Variants in ERC1 observed in about 807,000 individuals in gnomAD.
The protein encoded by ERC1 is ELKS/RAB6-interacting/CAST family member 1.
ERC1 carries 56 observed loss-of-function variants against 132.0 expected under a neutral mutation model. That is an observed-to-expected ratio of 0.42 (90% confidence interval 0.34 to 0.53). ERC1 has a LOEUF of 0.53. Among genes scored for constraint, ERC1 ranks in the 20% least tolerant of loss-of-function variants. The pLI is 0.03. For synonymous variants in ERC1, 478 were observed against 476.1 expected, an observed-to-expected ratio of 1.00 and a Z score of -0.05; for missense variants, 1,202 against 1,349.9, an observed-to-expected ratio of 0.89 and a Z score of 1.72.
intron 16 of ERC1, among the ~76,000 whole-genome samples, chr12:1,385,574 C>T (rs1409407900): frequency 6.6e-6 from 1 of 152,286 alleles, no homozygotes; most frequent in East Asian, 1.9e-4. Flanking sequence ...CGTGAGCCAC[C>T]GCGCCCGGCC....
intron 17 of ERC1, among the ~76,000 whole-genome samples, chr12:1,422,028 G>A (rs2092449560): frequency 6.6e-6 from 1 of 152,124 alleles, no homozygotes; most frequent in African/African-American, 2.4e-5. Flanking sequence ...AACAATGGCT[G>A]GTTATCATTT....
At chr12:1,390,210 T>C (rs899710592) in intron 16 of ERC1, among the ~76,000 whole-genome samples, 2 of 152,210 alleles carry the variant, frequency 1.3e-5, no homozygotes, top group Non-Finnish European at 2.9e-5. Context: ...GATTAGCTTA[T>C]AACAAACATC....
In ERC1 at chr12:1,189,883, A is replaced by G. The variant is rs1391503571; in HGVS notation, c.2182A>G (p.Arg728Gly). Residue 728 changes from arginine (R) to glycine (G), a missense_variant, in exon 12 of 19, where the codon AGA becomes GGA. Coordinates refer to ENST00000360905, the MANE Select transcript of ERC1 (RefSeq NM_178040.4). ...GGCACATGAGGCAGCATTGGAAGCC[A>G]GAGCCAGTCCAGAGATGAGTGACCG... ...KKAHEAALEA[R>G]ASPEMSDRIQ... 3 of 1,610,446 alleles carry G rather than the reference A, an allele frequency of 1.9e-6. No individual in the cohort carries two copies. The highest frequency in any genetic ancestry group is 1.7e-5 in the Admixed American group (1 of 59,264).
chr12:1,174,664 T>TA (rs1174119228), intron 8 of ERC1, among the ~76,000 whole-genome samples: 1 of 152,260 alleles, frequency 6.6e-6, no homozygotes, highest in Non-Finnish European at 1.5e-5. Context: ...ATTATGCATG[T>TA]AAGGGGTGTT....
chr12:1,244,644 C>T (rs1199404392), intron 13 of ERC1: 2 of 421,096 alleles, frequency 4.7e-6, no homozygotes, highest in Non-Finnish European at 4.8e-6. Context: ...GCCTCAGCCA[C>T]CCGAGTAGCT....
rs904844381 is a variant in ERC1 at position 1,493,160 on chromosome 12, T to A, written c.*2930T>A. 2 of 207,226 alleles carry A rather than the reference T, an allele frequency of 9.7e-6. No individual in the cohort carries two copies. Among genetic ancestry groups the A allele is most frequent in the Admixed American group, 5.9e-5 (1 of 16,822 alleles). The allele number at this position is 207,226 out of a possible 1,614,324, so 12.8% of individuals were successfully genotyped here. ...CCTCTAACCCCCGGTACTCATTGAATCATTGATGAGGTATCTCAATTGAGA... is the reference window on the plus strand; with the variant it reads ...CCTCTAACCCCCGGTACTCATTGAAACATTGATGAGGTATCTCAATTGAGA... On this transcript the variant is annotated 3_prime_UTR_variant, in exon 19 of 19. Coordinates refer to ENST00000360905, the MANE Select transcript of ERC1 (RefSeq NM_178040.4).
At chr12:1,454,046 C>A (rs576925426) in intron 18 of ERC1, among the ~76,000 whole-genome samples, 3 of 152,082 alleles carry the variant, frequency 2.0e-5, no homozygotes, top group African/African-American at 7.2e-5. Flanking sequence ...ACTCTCCAGC[C>A]CACACCCCAG....
At chr12:1,433,461 C>T (rs908925452) in intron 17 of ERC1, among the ~76,000 whole-genome samples, 7 of 152,112 alleles carry the variant, frequency 4.6e-5, no homozygotes, top group African/African-American at 1.4e-4. Context: ...CTAATGAAGT[C>T]GGGGAGCTGA....
intron 13 of ERC1, among the ~76,000 whole-genome samples, chr12:1,253,651 G>C (rs1388257932): frequency 6.6e-6 from 1 of 152,076 alleles, no homozygotes; most frequent in Non-Finnish European, 1.5e-5. Context: ...ACTCCAGCCT[G>C]GGCAACAAGA....
intron 15 of ERC1, among the ~76,000 whole-genome samples, chr12:1,304,895 T>C (rs1350954974): frequency 2.1e-5 from 3 of 143,856 alleles, no homozygotes; most frequent in East Asian, 2.2e-4. Context: ...GTTGACGCCA[T>C]TCTCCTACCT....
Position 1,223,441 on chromosome 12 carries a change from A to C in ERC1, c.2352-13328A>C, listed in dbSNP as rs537705303. On this transcript the variant is annotated intron_variant, in intron 12 of 18. Coordinates refer to ENST00000360905, the MANE Select transcript of ERC1 (RefSeq NM_178040.4). ...TCATATCCCCTGGGAACCTCGTTAA[A>C]GTGCAGATTCTGATTTAATAGGTCT... Among the ~76,000 whole-genome samples, 176 of 152,310 alleles carry C rather than the reference A, an allele frequency of 1.2e-3. 2 individuals are homozygous for C. The highest frequency in any genetic ancestry group is 3.8e-3 in the African/African-American group (159 of 41,574).
rs1555389413 is a variant in ERC1 at position 1,394,046 on chromosome 12, C to CAAAAAAAA, written c.2926-14102_2926-14101insAAAAAAAA. On this transcript the variant is annotated intron_variant, in intron 16 of 18. Coordinates refer to ENST00000360905, the MANE Select transcript of ERC1 (RefSeq NM_178040.4). Reference sequence around the variant, plus strand: ...AAAAAAAAAAAAACAAAAAAAAAACCACAAAGCATTAAGCAATTTAATTTC... The same window carrying CAAAAAAAA: ...AAAAAAAAAAAAACAAAAAAAAAACCAAAAAAAAACAAAGCATTAAGCAATTTAATTTC... Among the ~76,000 whole-genome samples, 49 of 70,834 alleles carry CAAAAAAAA rather than the reference C, an allele frequency of 6.9e-4. 2 individuals carry two copies. Among genetic ancestry groups the CAAAAAAAA allele is most frequent in the African/African-American group, 2.2e-3 (45 of 20,008 alleles). The allele number at this position is 70,834 out of a possible 152,430, so 46.5% of individuals were successfully genotyped here. A position where few individuals can be genotyped will look rare whatever the true frequency, so the allele number is the denominator to read the frequency against.
Position 1,110,251 on chromosome 12 carries a change from G to T in ERC1, c.1221G>T (p.Met407Ile), listed in dbSNP as rs1386372767. 1 of 1,613,674 alleles carries T rather than the reference G, an allele frequency of 6.2e-7. No homozygotes were observed. The highest frequency in any genetic ancestry group is 1.1e-5 in the South Asian group (1 of 91,002). Residue 407 changes from methionine (M) to isoleucine (I), a missense_variant, in exon 5 of 19, where the codon ATG becomes ATT. By Grantham distance (10) the Met-to-Ile change is conservative. Transcript: ENST00000360905. Reference protein sequence around the residue: ...GLRDLEEEIQMLKSNGALSTE... With the variant: ...GLRDLEEEIQILKSNGALSTE... ...GAGACCTGGAAGAGGAAATTCAGAT[G>T]CTGAAATCGAATGGTGCTTTGAGTA...
intron 1 of ERC1, among the ~76,000 whole-genome samples, chr12:1,006,090 G>A (rs1173652852): frequency 6.6e-6 from 1 of 151,726 alleles, no homozygotes; most frequent in Non-Finnish European, 1.5e-5. Context: ...CCAAGTAGCT[G>A]GGAATACAGG....
At chr12:1,396,198 C>T (rs545415666) in intron 16 of ERC1, among the ~76,000 whole-genome samples, 2 of 152,270 alleles carry the variant, frequency 1.3e-5, no homozygotes, top group East Asian at 3.9e-4. Flanking sequence ...TGTGGTAACA[C>T]TGGGTTTTAA....
At chr12:1,275,796 C>A (rs571299818) in intron 14 of ERC1, among the ~76,000 whole-genome samples, 41 of 152,266 alleles carry the variant, frequency 2.7e-4, no homozygotes, top group African/African-American at 8.4e-4. Context: ...GTTCTACAAA[C>A]TGTACAAGGA....
chr12:1,112,412 C>G (rs1050677898), intron 6 of ERC1, 114 bp downstream of exon 6: 2 of 692,470 alleles, frequency 2.9e-6, no homozygotes, highest in South Asian at 3.2e-5. Flanking sequence ...GCAGCTTTGC[C>G]CATTACTAGC....
At chr12:1,369,100 G>A (rs1329966411) in intron 15 of ERC1, among the ~76,000 whole-genome samples, 1 of 152,108 alleles carries the variant, frequency 6.6e-6, no homozygotes, top group Non-Finnish European at 1.5e-5. Flanking sequence ...TATTTGAATT[G>A]CATAAAAAAT....
rs4017792 is a variant in ERC1, at chr12:1,143,329, CGTGTGTGTGTGTGT to C, written c.1737+1581_1737+1594del. 4.3e-3 allele frequency among the ~76,000 whole-genome samples: 551 copies of C among 128,968 alleles called. 1 individual carries two copies. The highest frequency in any genetic ancestry group is 0.014 in the African/African-American group (494 of 36,294). 84.6% of individuals were successfully genotyped at this position (128,968 alleles called of 152,430 possible). ...TCCTAGCTCTGTTTGGCTTTTGACT[CGTGTGTGTGTGTGT>C]GTGTGTGTGTGTGTGTGTGTGTGTG... is the stretch of plus-strand genomic sequence containing the variant. On this transcript the variant is annotated intron_variant, in intron 8 of 18. Coordinates refer to ENST00000360905, the MANE Select transcript of ERC1 (RefSeq NM_178040.4).
Sources: gnomAD v4.1 joint callset for allele counts (sites outside exome capture counted in the v4.1 genomes callset) on GRCh38, gnomAD v4.1.1 for gene constraint, MANE v1.5 for transcripts, NCBI Gene and HGNC (gene_info 2026-07-23, HGNC 2026-07-21) for gene names.